The following NDC1 variants were observed in gnomAD, a reference collection of about 807,000 sequenced individuals.
The protein encoded by NDC1 is NDC1 transmembrane nucleoporin.
A neutral mutation model predicts 89.8 loss-of-function variants in NDC1; 24 were observed. The observed-to-expected ratio is 0.27, with a 90% CI of 0.19 to 0.38. NDC1 has a LOEUF of 0.38. Among genes scored for constraint, NDC1 ranks in the 10% least tolerant of loss-of-function variants. The pLI is 1.00. For missense variants in NDC1, 728 were observed against 797.6 expected, an observed-to-expected ratio of 0.91 and a Z score of 1.05; for synonymous variants, 296 against 284.8, an observed-to-expected ratio of 1.04 and a Z score of -0.39.
chr1:53,826,834 G>A (rs1570235328), intron 4 of NDC1, among the ~76,000 whole-genome samples: 1 of 152,090 alleles, frequency 6.6e-6, no homozygotes, highest in African/African-American at 2.4e-5. Flanking sequence ...TCTGAACTCC[G>A]AGTTACAAAA....
intron 11 of NDC1, among the ~76,000 whole-genome samples, chr1:53,798,593 C>T (rs1183183196): frequency 1.3e-5 from 2 of 148,526 alleles, no homozygotes; most frequent in African/African-American, 2.5e-5. Flanking sequence ...CTCACTCTGT[C>T]ACCCAGACTG....
chr1:53,780,863 C>CT (rs11289616), intron 16 of NDC1, among the ~76,000 whole-genome samples: 102 of 144,330 alleles, frequency 7.1e-4, no homozygotes, highest in Middle Eastern at 3.5e-3. Flanking sequence ...ATTTTTCTTT[C>CT]TTTTTTTTTT....
At position 53,800,376 on chromosome 1, in the gene NDC1, G is replaced by A. The variant is rs186427971; in HGVS notation, c.1222+317C>T. Among the ~76,000 whole-genome samples the A allele has an allele frequency of 7.3e-4, 83 of 113,056 alleles. 1 individual carries two copies. The highest frequency in any genetic ancestry group is 2.6e-3 in the African/African-American group (73 of 28,302). 74.2% of individuals were successfully genotyped at this position (113,056 alleles called of 152,430 possible). A position where few individuals can be genotyped will look rare whatever the true frequency, so the allele number is the denominator to read the frequency against. ...TTTTTTGAGACAGTCTCACTCTGTC[G>A]CCAGGCTGGAGTGCAATGGCACAAT... On this transcript the variant is annotated intron_variant, in intron 11 of 17. Transcript: ENST00000371429.
intron 4 of NDC1, among the ~76,000 whole-genome samples, chr1:53,826,586 C>CACT (rs1648871807): frequency 6.6e-6 from 1 of 152,206 alleles, no homozygotes; most frequent in African/African-American, 2.4e-5. Context: ...TGCTTTAAGC[C>CACT]ACTACCCTAT....
intron 15 of NDC1, among the ~76,000 whole-genome samples, chr1:53,787,878 A>T (rs933295940): frequency 2.0e-5 from 3 of 150,696 alleles, no homozygotes; most frequent in Non-Finnish European, 4.4e-5. Flanking sequence ...AAAAAAAAAA[A>T]AAAAACATGT....
intron 6 of NDC1, 103 bp from the exon 7 acceptor site, chr1:53,809,849 G>A: frequency 1.3e-6 from 1 of 796,818 alleles, no homozygotes. Context: ...CAGACACCAA[G>A]ACCTCAGTCA....
At chr1:53,822,347 C>T (rs1039487841) in intron 5 of NDC1, among the ~76,000 whole-genome samples, 1 of 151,990 alleles carries the variant, frequency 6.6e-6, no homozygotes, top group African/African-American at 2.4e-5. Flanking sequence ...AAAAAAGCCT[C>T]AAATTTTCAT....
intron 7 of NDC1, 92 bp from the exon 8 acceptor site, chr1:53,807,883 T>C: frequency 8.5e-7 from 1 of 1,172,880 alleles, no homozygotes; most frequent in Non-Finnish European, 1.2e-6. Context: ...ACAAATATTA[T>C]GTCTAAATAA....
chr1:53,835,376 T>G (rs1649195372), intron 2 of NDC1, 124 bp downstream of exon 2: 6 of 613,682 alleles, frequency 9.8e-6, no homozygotes, highest in Non-Finnish European at 1.6e-5. Flanking sequence ...TATCTCAAAG[T>G]GAATGTTTTG....
chr1:53,820,706 T>TTTA (rs1259200637), intron 5 of NDC1, among the ~76,000 whole-genome samples: 1 of 136,882 alleles, frequency 7.3e-6, no homozygotes, highest in African/African-American at 2.8e-5. Flanking sequence ...TCTCTCTTTT[T>TTTA]TTTTTTTTTT....
intron 4 of NDC1, among the ~76,000 whole-genome samples, chr1:53,826,361 A>G (rs1648863677): frequency 6.6e-6 from 1 of 152,172 alleles, no homozygotes; most frequent in Non-Finnish European, 1.5e-5. Flanking sequence ...ATGCTACTGG[A>G]TTTTGTGGGG....
intron 8 of NDC1, among the ~76,000 whole-genome samples, chr1:53,807,420 G>A (rs1357140417): frequency 1.3e-5 from 2 of 152,008 alleles, no homozygotes; most frequent in Non-Finnish European, 2.9e-5. Context: ...AAAGCATAGT[G>A]GCAGTCCATT....
At position 53,806,782 on chromosome 1, in the gene NDC1, C is replaced by T. The variant is rs192898540; in HGVS notation, c.892-265G>A. On this transcript the variant is annotated intron_variant, in intron 8 of 17. Transcript: ENST00000371429. ...GAAGCCACTGAAGAATACAAACCTA[C>T]GGAGATTGTAAAATAAAACAGAAAC... Among the ~76,000 whole-genome samples the T allele has an allele frequency of 3.8e-3, 571 of 152,104 alleles. 5 individuals carry two copies. Among genetic ancestry groups the T allele is most frequent in the Non-Finnish European group, 2.7e-3 (181 of 68,002 alleles).
chr1:53,793,421 T>TA (rs769273833), intron 13 of NDC1, 142 bp from the exon 14 acceptor site: 7 of 694,570 alleles, frequency 1.0e-5, no homozygotes, highest in Non-Finnish European at 1.8e-5. Flanking sequence ...TAATAATACT[T>TA]AAACAATACG....
chr1:53,810,296 T>C (rs1648259975), intron 6 of NDC1, among the ~76,000 whole-genome samples: 1 of 151,992 alleles, frequency 6.6e-6, no homozygotes, highest in Non-Finnish European at 1.5e-5. Context: ...GCAGCACATA[T>C]ACTAAAATTG....
intron 17 of NDC1, among the ~76,000 whole-genome samples, chr1:53,771,683 G>A (rs925848465): frequency 3.9e-5 from 6 of 152,174 alleles, no homozygotes; most frequent in Non-Finnish European, 7.3e-5. Context: ...AAAAACAGCA[G>A]AGCAATCTCT....
Position 53,832,611 on chromosome 1 carries a change from A to C in NDC1, c.179-20T>G. 7.7e-7 allele frequency: 1 copy of C among 1,306,392 alleles called. No homozygotes were observed. The highest frequency in any genetic ancestry group is 1.2e-5 in the South Asian group (1 of 82,734). 80.9% of individuals were successfully genotyped at this position (1,306,392 alleles called of 1,614,324 possible). A position where few individuals can be genotyped will look rare whatever the true frequency, so the allele number is the denominator to read the frequency against. ...AAGAATCTAAAACACAAGAGAGATG[A>C]ATTAGTAAAGGTTATTCAGTCATGT... On this transcript the variant is annotated intron_variant, in intron 2 of 17. Transcript: ENST00000371429.
intron 3 of NDC1, among the ~76,000 whole-genome samples, chr1:53,829,552 A>G (rs1345879947): frequency 6.6e-6 from 1 of 152,228 alleles, no homozygotes; most frequent in Non-Finnish European, 1.5e-5. Context: ...AATATGCTTC[A>G]TGTTTACTGT....
At chr1:53,811,496 T>G (rs1023532910) in intron 6 of NDC1, among the ~76,000 whole-genome samples, 3 of 152,074 alleles carry the variant, frequency 2.0e-5, no homozygotes, top group Admixed American at 6.5e-5. Context: ...GACTGCCACT[T>G]TCCCCCACTT....
Sources: gnomAD v4.1 joint callset for allele counts (sites outside exome capture counted in the v4.1 genomes callset) on GRCh38, gnomAD v4.1.1 for gene constraint, MANE v1.5 for transcripts, NCBI Gene and HGNC (gene_info 2026-07-23, HGNC 2026-07-21) for gene names.